The following PKNOX2 variants were observed in gnomAD, a reference collection of about 807,000 sequenced individuals.
PKNOX2 encodes the protein PBX/knotted 1 homeobox 2.
PKNOX2 carries 14 observed loss-of-function variants against 53.1 expected under a neutral mutation model. That is an observed-to-expected ratio of 0.26 (90% CI 0.17 to 0.41). The LOEUF (loss-of-function observed/expected upper bound fraction) is 0.41, where lower values mean the gene tolerates loss of function less well. Among genes scored for constraint, PKNOX2 ranks in the 10% least tolerant of loss-of-function variants. The probability of loss-of-function intolerance (pLI) is 1.00; values close to 1 mark genes in which losing one functional copy is unlikely to be tolerated. For synonymous variants in PKNOX2, 257 were observed against 242.8 expected, an observed-to-expected ratio of 1.06 and a Z score of -0.54; for missense variants, 496 against 602.8, an observed-to-expected ratio of 0.82 and a Z score of 1.85.
chr11:125,273,694 C>T (rs1945971659), intron 2 of PKNOX2, among the ~76,000 whole-genome samples: 1 of 152,210 alleles, frequency 6.6e-6, no homozygotes, highest in African/African-American at 2.4e-5. Flanking sequence ...CCTTGGGCAA[C>T]ACCCCATGTT....
At chr11:125,291,312 C>G (rs1420239692) in intron 2 of PKNOX2, among the ~76,000 whole-genome samples, 1 of 152,128 alleles carries the variant, frequency 6.6e-6, no homozygotes, top group Admixed American at 6.5e-5. Flanking sequence ...TATGGAAAGC[C>G]AGTCCCACTA....
rs370689134 is a variant in PKNOX2, at chr11:125,226,206, CA to C, written c.-200-8836del. On this transcript the variant is annotated intron_variant, in intron 1 of 12. Coordinates refer to ENST00000298282, the MANE Select transcript of PKNOX2 (RefSeq NM_001382323.2). ...GACATCTGGATTTATTTGACCCCTC[CA>C]AAGATTTATTGGTGTCTGGTCCAAG... Among the ~76,000 whole-genome samples, 441 of 152,332 alleles carry C rather than the reference CA, an allele frequency of 2.9e-3. 1 individual carries two copies. Among genetic ancestry groups the C allele is most frequent in the African/African-American group, 9.8e-3 (409 of 41,572 alleles).
intron 5 of PKNOX2, among the ~76,000 whole-genome samples, chr11:125,373,444 A>T (rs1222877652): frequency 3.9e-5 from 6 of 152,228 alleles, no homozygotes; most frequent in African/African-American, 1.4e-4. Context: ...TCTGTGACTC[A>T]GTTTCCTCAT....
chr11:125,234,420 G>C (rs1942494750), intron 1 of PKNOX2, among the ~76,000 whole-genome samples: 1 of 152,198 alleles, frequency 6.6e-6, no homozygotes, highest in Non-Finnish European at 1.5e-5. Context: ...ATCTCAGAAA[G>C]AGAATTAAAA....
chr11:125,423,583 C>A (rs1024507446), intron 10 of PKNOX2, among the ~76,000 whole-genome samples: 5 of 152,168 alleles, frequency 3.3e-5, no homozygotes, highest in African/African-American at 1.2e-4. Context: ...TTACTACATG[C>A]CACACATTTT....
intron 7 of PKNOX2, among the ~76,000 whole-genome samples, chr11:125,400,308 C>T (rs190312629): frequency 1.5e-3 from 222 of 152,302 alleles, no homozygotes; most frequent in Non-Finnish European, 2.6e-3. Context: ...GGGGTAAATA[C>T]GGTGATTACA....
chr11:125,334,782 T>TG (rs1008155443), intron 3 of PKNOX2, among the ~76,000 whole-genome samples: 17 of 151,558 alleles, frequency 1.1e-4, no homozygotes, highest in African/African-American at 4.1e-4. Context: ...TATTTTTTTT[T>TG]TTAAAGAGAT....
intron 5 of PKNOX2, among the ~76,000 whole-genome samples, chr11:125,373,927 C>T (rs567722558): frequency 2.0e-5 from 3 of 152,166 alleles, no homozygotes; most frequent in African/African-American, 4.8e-5. Context: ...AGGTGAGCCC[C>T]GAGAGAATGA....
At chr11:125,340,661 T>A (rs577352328) in intron 3 of PKNOX2, among the ~76,000 whole-genome samples, 1 of 152,198 alleles carries the variant, frequency 6.6e-6, no homozygotes, top group Non-Finnish European at 1.5e-5. Flanking sequence ...CACATCCAAA[T>A]TGGCTCCAGA....
intron 1 of PKNOX2, among the ~76,000 whole-genome samples, chr11:125,167,085 CG>C (rs1954932781): frequency 6.6e-6 from 1 of 151,026 alleles, no homozygotes; most frequent in Admixed American, 6.6e-5. Flanking sequence ...ATCTCCCACT[CG>C]GGCTGCATCC....
chr11:125,268,636 A>G (rs181274830), intron 2 of PKNOX2, among the ~76,000 whole-genome samples: 11 of 152,292 alleles, frequency 7.2e-5, no homozygotes, highest in Admixed American at 5.2e-4. Flanking sequence ...GAAAGCATAT[A>G]AAGCTGGTCT....
At chr11:125,368,249 G>A (rs1952301991) in intron 5 of PKNOX2, among the ~76,000 whole-genome samples, 1 of 152,146 alleles carries the variant, frequency 6.6e-6, no homozygotes, top group South Asian at 2.1e-4. Context: ...CCCCTAATGG[G>A]TATCAGAAAC....
At chr11:125,340,054 C>T (rs1388138828) in intron 3 of PKNOX2, among the ~76,000 whole-genome samples, 1 of 152,172 alleles carries the variant, frequency 6.6e-6, no homozygotes, top group East Asian at 1.9e-4. Flanking sequence ...TTTCCCATCT[C>T]CTGCTCATTT....
chr11:125,287,388 C>T (rs1170715418), intron 2 of PKNOX2, among the ~76,000 whole-genome samples: 1 of 152,234 alleles, frequency 6.6e-6, no homozygotes, highest in African/African-American at 2.4e-5. Flanking sequence ...AAACTCACAG[C>T]AAAGACCAAG....
intron 1 of PKNOX2, among the ~76,000 whole-genome samples, chr11:125,199,601 T>C (rs541138511): frequency 4.5e-4 from 68 of 152,284 alleles, no homozygotes; most frequent in African/African-American, 1.6e-3. Context: ...CCCAGTACTT[T>C]GGGAGGCCAA....
At chr11:125,250,310 G>A (rs1164537557) in intron 2 of PKNOX2, among the ~76,000 whole-genome samples, 2 of 152,036 alleles carry the variant, frequency 1.3e-5, no homozygotes, top group African/African-American at 4.8e-5. Flanking sequence ...TTTTTGTAAT[G>A]TAAATTTTCA....
At chr11:125,175,809 T>G (rs540710687) in intron 1 of PKNOX2, among the ~76,000 whole-genome samples, 1 of 152,242 alleles carries the variant, frequency 6.6e-6, no homozygotes, top group South Asian at 2.1e-4. Flanking sequence ...GTCGGGGCTG[T>G]GGGGAAGATG....
chr11:125,338,441 G>A (rs11828891), intron 3 of PKNOX2, among the ~76,000 whole-genome samples: 12,994 of 152,038 alleles, frequency 0.085, 1,831 homozygotes, highest in African/African-American at 0.29. Flanking sequence ...AGCAAGGATC[G>A]TCCCCAGCCC....
chr11:125,221,888 C>A (rs1017615350), intron 1 of PKNOX2, among the ~76,000 whole-genome samples: 1 of 152,168 alleles, frequency 6.6e-6, no homozygotes, highest in African/African-American at 2.4e-5. Flanking sequence ...ACCTACAGCC[C>A]ACTGCCCGCC....
Sources: allele counts gnomAD v4.1 joint callset (sites outside exome capture counted in the v4.1 genomes callset), GRCh38; gene constraint gnomAD v4.1.1; transcripts MANE v1.5; gene names NCBI Gene and HGNC (gene_info 2026-07-23, HGNC 2026-07-21).